RNF168: variants seen among roughly 807,000 people sequenced by gnomAD.
RNF168 encodes E3 ubiquitin-protein ligase RNF168.
A neutral mutation model predicts 34.9 loss-of-function variants in RNF168; 34 were observed. The ratio of observed to expected loss-of-function variants is 0.97; its 90% CI spans 0.74 to 1.30. RNF168 has a LOEUF of 1.30. Among genes scored for constraint, RNF168 ranks in the 50% most tolerant of loss-of-function variants. The pLI, the probability that RNF168 is intolerant of heterozygous loss-of-function variation, is 0.00. For synonymous variants in RNF168, 264 were observed against 254.7 expected, an observed-to-expected ratio of 1.04 and a Z score of -0.35; for missense variants, 725 against 682.5, an observed-to-expected ratio of 1.06 and a Z score of -0.69.
At chr3:196,476,335 CT>C (rs1732148897) in intron 4 of RNF168, among the ~76,000 whole-genome samples, 1 of 151,846 alleles carries the variant, frequency 6.6e-6, no homozygotes, top group South Asian at 2.1e-4. Context: ...TAAATCTCTA[CT>C]ATTGGGAAAA....
Position 196,483,844 on chromosome 3 carries a change from T to G in RNF168, c.606A>C (p.Arg202Ser). 6.2e-7 allele frequency: 1 copy of G among 1,610,144 alleles called. No homozygotes were observed. Among genetic ancestry groups the G allele is most frequent in the African/African-American group, 1.3e-5 (1 of 74,962 alleles). The change falls in exon 4 of 6, where the codon AGA becomes AGC. Residue 202 changes from arginine (R) to serine (S), a missense_variant. By Grantham distance (110) the Arg-to-Ser change is moderately radical (BLOSUM62 -1). Coordinates refer to ENST00000318037, the MANE Select transcript of RNF168 (RefSeq NM_152617.4). The stretch of plus-strand genomic sequence containing the variant: ...ACTTGGGTGTAACTGGATCAGATTT[T>G]CTGGAATTCAAGGGAGAAGCCGAGA... ...GSISASPLNS[R>S]KSDPVTPKSE... is the part of the protein sequence containing the mutation.
chr3:196,484,020 A>T (rs1732358451), intron 3 of RNF168, 129 bp from the exon 4 acceptor site: 1 of 745,454 alleles, frequency 1.3e-6, no homozygotes, highest in East Asian at 2.6e-5. Context: ...AATTCTGTAC[A>T]TCTCTTGAAG....
chr3:196,501,584 T>C (rs1732887064), intron 1 of RNF168, among the ~76,000 whole-genome samples: 1 of 152,148 alleles, frequency 6.6e-6, no homozygotes. Flanking sequence ...GGGGAGTCAG[T>C]GCCTCACGGT....
intron 5 of RNF168, among the ~76,000 whole-genome samples, chr3:196,474,447 C>CTTT (rs78108021): frequency 4.1e-5 from 5 of 121,392 alleles, no homozygotes; most frequent in Admixed American, 8.5e-5. Flanking sequence ...TTGTAATATT[C>CTTT]TTTTTTTTTT....
Position 196,487,466 on chromosome 3 carries a change from C to T in RNF168, c.491G>A (p.Arg164Lys), listed in dbSNP as rs1262232954. The change falls in exon 3 of 6, where the codon AGG becomes AAG. Residue 164 changes from arginine to lysine, a missense_variant. Physicochemically the swap from Arg to Lys is conservative, Grantham distance 26 (BLOSUM62 2). Transcript: ENST00000318037. ...CAGTTGTTCTTCCATCGCTCTTCGC[C>T]TTTTTTCTGCCTGTCTTTTTTCCTC... is the stretch of plus-strand genomic sequence containing the variant. ...EEEEKRQAEKRRRAMEEQLKS... is the reference protein window; with the variant it reads ...EEEEKRQAEKKRRAMEEQLKS... 8.7e-6 allele frequency: 14 copies of T among 1,614,064 alleles called. No individual in the cohort carries two copies. The highest frequency in any genetic ancestry group is 1.3e-5 in the African/African-American group (1 of 74,940).
intron 1 of RNF168, among the ~76,000 whole-genome samples, chr3:196,496,164 G>A (rs1203545888): frequency 6.6e-6 from 1 of 152,020 alleles, no homozygotes; most frequent in African/African-American, 2.4e-5. Flanking sequence ...TATAATTAGG[G>A]ATAAATATTA....
rs780872773 is a variant in RNF168 at position 196,503,084 on chromosome 3, C to T, written c.90G>A (p.Pro30=). The stretch of plus-strand genomic sequence containing the variant: ...ACGGTTTACACAGCGTGTGGTTACA[C>T]GGGAGGGTGACGGGCTCCACGAGGA... ...MEILVEPVTL[P]CNHTLCKPCF... The change falls in exon 1 of 6, where the codon CCG becomes CCA. Residue 30 remains proline, a synonymous_variant. Coordinates refer to ENST00000318037, the MANE Select transcript of RNF168 (RefSeq NM_152617.4). 3 of 1,614,004 alleles carry T rather than the reference C, an allele frequency of 1.9e-6. No individual in the cohort carries two copies. The highest frequency in any genetic ancestry group is 2.7e-5 in the African/African-American group (2 of 74,898).
intron 4 of RNF168, among the ~76,000 whole-genome samples, chr3:196,482,983 T>A (rs1398526451): frequency 6.6e-6 from 1 of 152,190 alleles, no homozygotes; most frequent in Admixed American, 6.5e-5. Flanking sequence ...TAAAGATTCA[T>A]GAGTTATAGC....
chr3:196,482,290 T>C (rs545780229), intron 4 of RNF168, among the ~76,000 whole-genome samples: 1 of 152,366 alleles, frequency 6.6e-6, no homozygotes, highest in South Asian at 2.1e-4. Context: ...TTTAAACTTT[T>C]GAATTGAGGT....
chr3:196,497,792 T>A (rs1341337537), intron 1 of RNF168, among the ~76,000 whole-genome samples: 1 of 152,216 alleles, frequency 6.6e-6, no homozygotes, highest in African/African-American at 2.4e-5. Flanking sequence ...TTTATGAGAC[T>A]TCATGAAAAT....
intron 4 of RNF168, among the ~76,000 whole-genome samples, chr3:196,477,999 G>A (rs138799280): frequency 0.016 from 2,462 of 152,304 alleles, 65 homozygotes; most frequent in African/African-American, 0.056. Context: ...TGGGAGGATC[G>A]CTTGAGCCCA....
intron 4 of RNF168, 72 bp downstream of exon 4, chr3:196,483,698 T>G (rs1251393734): frequency 8.0e-7 from 1 of 1,257,448 alleles, no homozygotes; most frequent in Non-Finnish European, 1.2e-6. Context: ...GAATCAGTAG[T>G]AGTCTATATG....
chr3:196,488,861 AT>A, intron 1 of RNF168, among the ~76,000 whole-genome samples, 178 bp from the exon 2 acceptor site: 1 of 151,442 alleles, frequency 6.6e-6, no homozygotes, highest in East Asian at 1.9e-4. Context: ...TATTTTATTT[AT>A]TTTTTTTGAG....
At chr3:196,493,758 C>A (rs1169669597) in intron 1 of RNF168, among the ~76,000 whole-genome samples, 10 of 151,548 alleles carry the variant, frequency 6.6e-5, no homozygotes, top group Admixed American at 6.6e-4. Flanking sequence ...GAACTCCTGA[C>A]CTCAGGTGAT....
At chr3:196,494,251 C>T (rs1039305899) in intron 1 of RNF168, among the ~76,000 whole-genome samples, 3 of 152,170 alleles carry the variant, frequency 2.0e-5, no homozygotes, top group Admixed American at 6.6e-5. Flanking sequence ...TTGGAAACAA[C>T]TCTCGACACT....
Position 196,472,148 on chromosome 3 carries a change from C to T in RNF168, c.1387G>A (p.Val463Met), listed in dbSNP as rs1315036413. 1 of 1,613,980 alleles carries T rather than the reference C, an allele frequency of 6.2e-7. No homozygotes were observed. The highest frequency in any genetic ancestry group is 8.5e-7 in the Non-Finnish European group (1 of 1,180,012). ...LQKEVDKEQM[V>M]PNRQKGSPDE... is the part of the protein sequence containing the mutation. ...GGGGATCCTTTTTGCCGGTTTGGCA[C>T]CATTTGCTCTTTATCCACCTCCTTC... Residue 463 changes from valine to methionine, a missense_variant, in exon 6 of 6, where the codon GTG becomes ATG. Coordinates refer to ENST00000318037, the MANE Select transcript of RNF168 (RefSeq NM_152617.4).
chr3:196,497,535 T>G lies in RNF168; in HGVS notation c.301+5338A>C, dbSNP rs376024378. Among the ~76,000 whole-genome samples, 58 of 152,012 alleles carry G rather than the reference T, an allele frequency of 3.8e-4. No homozygotes were observed. The South Asian group carries it at 0.012, about 31-fold the overall frequency. On this transcript the variant is annotated intron_variant, in intron 1 of 5. Transcript: ENST00000318037. ...AAATACAAAAATTAGCCAGGCATGG[T>G]GGTGCGTGCCTGTAGTCCCAGCTAC...
intron 1 of RNF168, among the ~76,000 whole-genome samples, chr3:196,493,417 G>T (rs1440398278): frequency 6.6e-6 from 1 of 151,758 alleles, no homozygotes; most frequent in Non-Finnish European, 1.5e-5. Flanking sequence ...TTCAGTGGCG[G>T]GATCATAGCT....
intron 4 of RNF168, among the ~76,000 whole-genome samples, chr3:196,481,843 A>G (rs1029759550): frequency 7.3e-5 from 11 of 151,250 alleles, no homozygotes; most frequent in African/African-American, 2.2e-4. Flanking sequence ...GTGTAGAGAC[A>G]GGGTCTTACT....
Sources: allele counts gnomAD v4.1 joint callset (sites outside exome capture counted in the v4.1 genomes callset), GRCh38; gene constraint gnomAD v4.1.1; transcripts MANE v1.5; gene names NCBI Gene and HGNC (gene_info 2026-07-23, HGNC 2026-07-21).